ATG4A: variants seen among roughly 807,000 people sequenced by gnomAD.
ATG4A encodes the protein autophagy related 4A cysteine peptidase.
Under a neutral mutation model 38.4 loss-of-function variants are expected in ATG4A, and 22 were observed. The observed-to-expected ratio is 0.57, with a 90% CI of 0.41 to 0.82. The LOEUF is 0.82. Among genes scored for constraint, ATG4A ranks in the 40% least tolerant of loss-of-function variants. The pLI, the probability that ATG4A is intolerant of heterozygous loss-of-function variation, is 0.00. For synonymous variants in ATG4A, 86 were observed against 100.7 expected (o/e 0.85, Z 0.88); for missense variants, 220 against 290.0 (o/e 0.76, Z 1.75).
At chrX:108,112,257 A>T (rs1409529750) in intron 1 of ATG4A, among the ~76,000 whole-genome samples, 1 of 112,010 alleles carries the variant, frequency 8.9e-6, no homozygotes, top group African/African-American at 3.2e-5. Flanking sequence ...TTTTGTACCC[A>T]TTAACCTCCC....
chrX:108,153,339 T>C (rs2033634027), intron 12 of ATG4A, among the ~76,000 whole-genome samples: 1 of 112,442 alleles, frequency 8.9e-6, no homozygotes, highest in Non-Finnish European at 1.9e-5. Context: ...AGGATTGCTT[T>C]TTCATGGTCT....
intron 9 of ATG4A, among the ~76,000 whole-genome samples, chrX:108,149,577 T>G (rs2033529563): frequency 8.9e-6 from 1 of 112,781 alleles, no homozygotes; most frequent in Admixed American, 9.3e-5. Flanking sequence ...AACTTGCTAA[T>G]AAGTACTAAC....
intron 1 of ATG4A, among the ~76,000 whole-genome samples, chrX:108,119,258 A>G (rs2032588147): frequency 8.9e-6 from 1 of 111,979 alleles, no homozygotes. Context: ...CCAACCACAC[A>G]TGGCTATTGA....
intron 9 of ATG4A, among the ~76,000 whole-genome samples, chrX:108,139,878 CT>C (rs1379415450): frequency 9.0e-6 from 1 of 111,405 alleles, no homozygotes; most frequent in African/African-American, 3.3e-5. Flanking sequence ...TGTTTTCTTG[CT>C]GCGTCCTCAA....
chrX:108,145,068 A>G (rs1227308137), intron 9 of ATG4A, among the ~76,000 whole-genome samples: 1 of 112,292 alleles, frequency 8.9e-6, no homozygotes, highest in East Asian at 2.8e-4. Flanking sequence ...TAGAAAGAAT[A>G]TCTTGACAGG....
chrX:108,150,211 A>T lies in ATG4A; in HGVS notation c.874A>T (p.Asn292Tyr). The change falls in exon 10 of 13, where the codon AAT (asparagine) becomes TAT (tyrosine). Residue 292 changes from asparagine (N) to tyrosine (Y), a missense_variant. By Grantham distance (143) the Asn-to-Tyr change is moderately radical (BLOSUM62 -2). Around this residue, in one of 3 missense-constraint regions of ATG4A, gnomAD observed 159 missense variants for 188.9 expected, o/e 0.84. Transcript: ENST00000372232. ...TTQTFVDTEE[N>Y]GTVNDQTFHC... ...CCAGACCTTTGTTGACACTGAAGAGAATGGAACGGTTAATGACCAGACTTT... is the reference window on the plus strand; with the variant it reads ...CCAGACCTTTGTTGACACTGAAGAGTATGGAACGGTTAATGACCAGACTTT... 8.3e-7 allele frequency: 1 copy of T among 1,211,859 alleles called. No individual in the cohort carries two copies. Among genetic ancestry groups the T allele is most frequent in the South Asian group, 1.8e-5 (1 of 57,007 alleles).
chrX:108,090,371 C>T (rs2031572261), upstream of ATG4A, among the ~76,000 whole-genome samples: 1 of 111,778 alleles, frequency 8.9e-6, no homozygotes, highest in Non-Finnish European at 1.9e-5. Context: ...AGTTCCTTTC[C>T]CTTTTTAAGC....
At chrX:108,113,442 T>C (rs776387840) in intron 1 of ATG4A, among the ~76,000 whole-genome samples, 18 of 110,586 alleles carry the variant, frequency 1.6e-4, no homozygotes, top group Non-Finnish European at 3.4e-4. Flanking sequence ...TGAGGAGTAT[T>C]TTAAAATTTT....
At chrX:108,123,226 C>A (rs1391355750) in intron 1 of ATG4A, among the ~76,000 whole-genome samples, 2 of 111,873 alleles carry the variant, frequency 1.8e-5, no homozygotes, top group African/African-American at 6.5e-5. Flanking sequence ...AATTCTTGGT[C>A]CACCAAGTTA....
chrX:108,150,293 C>A lies in ATG4A; in HGVS notation c.956C>A (p.Ala319Glu). ...MNILNLDPSV[A>E]LGFFCKEEKD... ...ATCCTAAACCTGGATCCTTCAGTTG[C>A]ATTGGTGGGTATTCGTAGGTTGGGT... The change falls in exon 10 of 13, where the codon GCA (alanine) becomes GAA (glutamate). Residue 319 changes from alanine to glutamate, a missense_variant. By Grantham distance (107) the Ala-to-Glu change is moderately radical. Coordinates refer to ENST00000372232, the MANE Select transcript of ATG4A (RefSeq NM_052936.5). 1 of 1,211,800 alleles carries A rather than the reference C, an allele frequency of 8.3e-7. No individual in the cohort carries two copies. Among genetic ancestry groups the A allele is most frequent in the Non-Finnish European group, 1.1e-6 (1 of 895,504 alleles).
intron 1 of ATG4A, among the ~76,000 whole-genome samples, chrX:108,122,166 A>C (rs1490346158): frequency 8.9e-6 from 1 of 112,240 alleles, no homozygotes; most frequent in African/African-American, 3.2e-5. Context: ...ATGAGGTATA[A>C]GTGTTTTTGT....
chrX:108,098,196 C>T (rs2031892984), intron 1 of ATG4A, among the ~76,000 whole-genome samples: 1 of 111,237 alleles, frequency 9.0e-6, no homozygotes, highest in Admixed American at 9.5e-5. Context: ...TGTTAAATGT[C>T]CTTGGTGTTA....
intron 9 of ATG4A, 43 bp from the exon 10 acceptor site, chrX:108,150,109 A>G (rs1167972386): frequency 8.3e-7 from 1 of 1,199,059 alleles, no homozygotes; most frequent in South Asian, 1.8e-5. Context: ...GTGGGCCAGG[A>G]CCGGTAATCC....
intron 7 of ATG4A, among the ~76,000 whole-genome samples, chrX:108,137,385 T>C (rs2033133626): frequency 8.9e-6 from 1 of 112,317 alleles, no homozygotes; most frequent in African/African-American, 3.2e-5. Context: ...GGTACCACAC[T>C]CCTTCCCTGC....
chrX:108,136,168 T>C (rs988263981), intron 6 of ATG4A, among the ~76,000 whole-genome samples: 1 of 110,883 alleles, frequency 9.0e-6, no homozygotes, highest in African/African-American at 3.3e-5. Context: ...TATTATATTA[T>C]TGTTATTATT....
intron 1 of ATG4A, among the ~76,000 whole-genome samples, chrX:108,112,647 C>T (rs763949564): frequency 1.2e-4 from 13 of 110,627 alleles, no homozygotes; most frequent in African/African-American, 4.3e-4. Flanking sequence ...CGCCCGCCTC[C>T]GCCTCCCAAA....
chrX:108,126,455 C>A (rs1181318401), intron 2 of ATG4A, among the ~76,000 whole-genome samples: 1 of 111,738 alleles, frequency 8.9e-6, no homozygotes, highest in Non-Finnish European at 1.9e-5. Context: ...TATTTTTATT[C>A]TTTTCCTTAA....
intron 9 of ATG4A, among the ~76,000 whole-genome samples, chrX:108,146,195 C>G (rs745379086): frequency 8.9e-6 from 1 of 112,007 alleles, no homozygotes; most frequent in Admixed American, 9.4e-5. Flanking sequence ...TGTAAACTGG[C>G]TCAAGTCTGG....
chrX:108,152,147 ATACT>A (rs2033605405), intron 11 of ATG4A: 2 of 229,476 alleles, frequency 8.7e-6, no homozygotes, highest in Non-Finnish European at 1.6e-5. Flanking sequence ...TCTAAAGGCA[ATACT>A]TACATTTTAG....
Sources: gnomAD v4.1 joint callset for allele counts (sites outside exome capture counted in the v4.1 genomes callset) on GRCh38, gnomAD v4.1.1 for gene constraint, gnomAD v4.1.1 regional missense constraint, MANE v1.5 for transcripts, NCBI Gene and HGNC (gene_info 2026-07-23, HGNC 2026-07-21) for gene names.